Variants in SPAG16 observed in about 807,000 individuals in gnomAD.
The protein encoded by SPAG16 is sperm-associated antigen 16 protein.
In SPAG16, 86 loss-of-function variants were observed where a neutral mutation model predicts 80.4. The observed-to-expected ratio is 1.07, with a 90% CI of 0.90 to 1.28. The LOEUF (loss-of-function observed/expected upper bound fraction) is 1.28. Ranked by LOEUF, SPAG16 falls within the 50% of genes most tolerant of loss-of-function variation. SPAG16 has a pLI of 0.00. For missense variants in SPAG16, 870 were observed against 765.3 expected (o/e 1.14, Z -1.61); for synonymous variants, 294 against 265.9 (o/e 1.11, Z -1.03).
At chr2:214,127,213 C>G (rs2054538854) in intron 14 of SPAG16, among the ~76,000 whole-genome samples, 1 of 151,704 alleles carries the variant, frequency 6.6e-6, no homozygotes, top group African/African-American at 2.4e-5. Context: ...GACTTCCTCC[C>G]TGGATAAAGG....
chr2:213,663,107 A>G (rs1394817088), intron 10 of SPAG16, among the ~76,000 whole-genome samples: 2 of 152,122 alleles, frequency 1.3e-5, no homozygotes, highest in Non-Finnish European at 2.9e-5. Flanking sequence ...TGCCCAAAAA[A>G]TTAACTTTAG....
intron 10 of SPAG16, among the ~76,000 whole-genome samples, chr2:213,858,285 G>C (rs2105932056): frequency 6.6e-6 from 1 of 152,174 alleles, no homozygotes; most frequent in South Asian, 2.1e-4. Context: ...CATCAATGTG[G>C]CAAACTTCAT....
intron 12 of SPAG16, among the ~76,000 whole-genome samples, chr2:213,980,513 AATAT>A (rs546071528): frequency 1.5e-5 from 2 of 137,840 alleles, no homozygotes; most frequent in Non-Finnish European, 3.1e-5. Context: ...GTGTATATAT[AATAT>A]ATATAGAATA....
chr2:214,398,844 T>C (rs1701544963), intron 15 of SPAG16, among the ~76,000 whole-genome samples: 1 of 152,202 alleles, frequency 6.6e-6, no homozygotes, highest in South Asian at 2.1e-4. Flanking sequence ...TTGGCATCCT[T>C]GTTCAAATCC....
chr2:214,239,336 GCA>G (rs1288028805), intron 15 of SPAG16: 4 of 152,094 alleles, frequency 2.6e-5, no homozygotes, highest in Admixed American at 2.6e-4. Flanking sequence ...CATTTTTAGT[GCA>G]CAGTTTAGTG....
At chr2:214,137,928 A>C (rs1406995915) in intron 14 of SPAG16, among the ~76,000 whole-genome samples, 3 of 152,130 alleles carry the variant, frequency 2.0e-5, no homozygotes, top group Non-Finnish European at 4.4e-5. Context: ...TTGATAGAAA[A>C]AAAGGACATG....
intron 15 of SPAG16, among the ~76,000 whole-genome samples, chr2:214,370,397 C>T (rs923746626): frequency 6.6e-6 from 1 of 152,120 alleles, no homozygotes; most frequent in Non-Finnish European, 1.5e-5. Flanking sequence ...ATTAAAACAG[C>T]AGTGCTCACC....
rs377534566 is a variant in SPAG16, at chr2:213,297,287, C to T, written c.209C>T (p.Pro70Leu). ...EEIPDDNFSI[P>L]EGEEDLAKAI... The stretch of plus-strand genomic sequence containing the variant: ...ATACCAGATGACAATTTTAGCATCC[C>T]AGAAGGTGAAGAAGATCTGGCAAAA... Residue 70 changes from proline (P) to leucine (L), a missense_variant, in exon 3 of 16, where the codon CCA becomes CTA. Transcript: ENST00000331683. 5.0e-6 allele frequency: 8 copies of T among 1,612,354 alleles called. No individual in the cohort carries two copies. Among genetic ancestry groups the T allele is most frequent in the South Asian group, 1.1e-5 (1 of 90,934 alleles).
In SPAG16 at chr2:214,059,222, G is replaced by GTATATA. The variant is rs34244219; in HGVS notation, c.1527+45159_1527+45164dup. 8.6e-3 allele frequency among the ~76,000 whole-genome samples: 1,046 copies of GTATATA among 121,322 alleles called. 22 individuals carry two copies. The highest frequency in any genetic ancestry group is 0.048 in the South Asian group (177 of 3,690). 79.6% of individuals were successfully genotyped at this position (121,322 alleles called of 152,430 possible). A position where few individuals can be genotyped will look rare whatever the true frequency, so the allele number is the denominator to read the frequency against. The stretch of plus-strand genomic sequence containing the variant: ...TATATATATATATATATATGTATGT[G>GTATATA]TATATATATATATATATATGTATGT... On this transcript the variant is annotated intron_variant, in intron 13 of 15. Transcript: ENST00000331683.
At chr2:214,046,696 A>G (rs562829185) in intron 13 of SPAG16, among the ~76,000 whole-genome samples, 2 of 152,336 alleles carry the variant, frequency 1.3e-5, no homozygotes, top group Admixed American at 6.5e-5. Flanking sequence ...TAGAGCAATC[A>G]GACAAGAGAA....
intron 15 of SPAG16, among the ~76,000 whole-genome samples, chr2:214,229,275 G>A (rs1260870873): frequency 6.6e-6 from 1 of 151,812 alleles, no homozygotes; most frequent in Non-Finnish European, 1.5e-5. Flanking sequence ...GAGGAGGCAG[G>A]TGGTTCCTGG....
At chr2:213,538,698 T>G (rs146759526) in intron 10 of SPAG16, among the ~76,000 whole-genome samples, 7 of 152,272 alleles carry the variant, frequency 4.6e-5, no homozygotes, top group Middle Eastern at 3.4e-3. Context: ...TAACATTGAT[T>G]TAGTTGAATA....
chr2:213,666,629 A>G (rs2063614149), intron 10 of SPAG16, among the ~76,000 whole-genome samples: 1 of 152,162 alleles, frequency 6.6e-6, no homozygotes, highest in Non-Finnish European at 1.5e-5. Flanking sequence ...TTGATCTACA[A>G]ACCTGCTCAG....
At chr2:213,981,519 T>G (rs1435994089) in intron 12 of SPAG16, among the ~76,000 whole-genome samples, 1 of 152,122 alleles carries the variant, frequency 6.6e-6, no homozygotes, top group Non-Finnish European at 1.5e-5. Flanking sequence ...TTTAGAAATA[T>G]GTATTTCCTG....
chr2:213,745,175 A>G (rs2067758962), intron 10 of SPAG16, among the ~76,000 whole-genome samples: 1 of 152,184 alleles, frequency 6.6e-6, no homozygotes, highest in Admixed American at 6.5e-5. Flanking sequence ...TGATTTTAAA[A>G]AACTATCTAT....
At chr2:214,136,369 T>G (rs1198623564) in intron 14 of SPAG16, among the ~76,000 whole-genome samples, 15 of 152,190 alleles carry the variant, frequency 9.9e-5, no homozygotes, top group Non-Finnish European at 2.2e-4. Context: ...AAACCTTGGT[T>G]GTCTCATTTG....
At chr2:213,387,743 C>T (rs570688347) in intron 9 of SPAG16, among the ~76,000 whole-genome samples, 33 of 151,852 alleles carry the variant, frequency 2.2e-4, no homozygotes, top group African/African-American at 6.5e-4. Flanking sequence ...CGTGAGCCAC[C>T]GCGCCCGGCC....
In SPAG16 at chr2:213,608,934, C is replaced by T. The variant is rs565101823; in HGVS notation, c.1070+118844C>T. On this transcript the variant is annotated intron_variant, in intron 10 of 15. Coordinates refer to ENST00000331683, the MANE Select transcript of SPAG16 (RefSeq NM_024532.5). ...TCCTGACCTTGTGATCTGCCCGCCT[C>T]GGCCTCCCAAAGTACTGGGATTACA... Among the ~76,000 whole-genome samples, 7 of 152,326 alleles carry T rather than the reference C, an allele frequency of 4.6e-5. 1 individual carries two copies. The highest frequency in any genetic ancestry group is 2.0e-4 in the Admixed American group (3 of 15,310).
At chr2:213,518,313 C>G (rs1274576924) in intron 10 of SPAG16, among the ~76,000 whole-genome samples, 1 of 152,190 alleles carries the variant, frequency 6.6e-6, no homozygotes, top group African/African-American at 2.4e-5. Flanking sequence ...GTTACCCATG[C>G]TGGAGTGCAG....
Sources: gnomAD v4.1 joint callset for allele counts (sites outside exome capture counted in the v4.1 genomes callset) on GRCh38, gnomAD v4.1.1 for gene constraint, MANE v1.5 for transcripts, NCBI Gene and HGNC (gene_info 2026-07-23, HGNC 2026-07-21) for gene names.